SLC35F1: variants seen among roughly 807,000 people sequenced by gnomAD.
The protein encoded by SLC35F1 is chromosome 6 open reading frame 169.
SLC35F1 carries 14 observed loss-of-function variants against 48.7 expected under a neutral mutation model. That is an observed-to-expected ratio of 0.29 (90% CI 0.19 to 0.45). The LOEUF is 0.45. Among genes scored for constraint, SLC35F1 ranks in the 20% least tolerant of loss-of-function variants. SLC35F1 has a pLI of 1.00. For synonymous variants in SLC35F1, 190 were observed against 202.2 expected, an observed-to-expected ratio of 0.94 and a Z score of 0.51; for missense variants, 404 against 500.0, an observed-to-expected ratio of 0.81 and a Z score of 1.83.
At chr6:118,185,246 G>A (rs1774639684) in intron 2 of SLC35F1, among the ~76,000 whole-genome samples, 2 of 151,972 alleles carry the variant, frequency 1.3e-5, no homozygotes, top group South Asian at 4.2e-4. Context: ...TTTTTCCCTT[G>A]GTTATCCAGA....
At chr6:118,232,901 G>A (rs901065197) in intron 2 of SLC35F1, among the ~76,000 whole-genome samples, 1 of 151,860 alleles carries the variant, frequency 6.6e-6, no homozygotes, top group Non-Finnish European at 1.5e-5. Context: ...CAATGCACAG[G>A]CCCCCACCCA....
chr6:118,147,866 T>A (rs1001867641), intron 1 of SLC35F1, among the ~76,000 whole-genome samples: 1 of 152,176 alleles, frequency 6.6e-6, no homozygotes, highest in Non-Finnish European at 1.5e-5. Context: ...CAGATTCAAG[T>A]CCATGAATGC....
At chr6:118,104,870 C>T (rs1217509770) in intron 1 of SLC35F1, among the ~76,000 whole-genome samples, 1 of 152,188 alleles carries the variant, frequency 6.6e-6, no homozygotes, top group Non-Finnish European at 1.5e-5. Flanking sequence ...CAGGTGTCTA[C>T]TGTGACCATG....
chr6:118,098,167 T>A (rs745824774), intron 1 of SLC35F1, among the ~76,000 whole-genome samples: 1 of 152,222 alleles, frequency 6.6e-6, no homozygotes, highest in Non-Finnish European at 1.5e-5. Context: ...TATAGGTGTT[T>A]GCAAAACACT....
intron 1 of SLC35F1, among the ~76,000 whole-genome samples, chr6:117,939,008 CTT>C (rs576443846): frequency 1.5e-5 from 2 of 132,092 alleles, no homozygotes; most frequent in Admixed American, 8.0e-5. Context: ...AATTCTTGTT[CTT>C]TTTTTTTTTT....
At chr6:118,279,505 G>A (rs1463659840) in intron 6 of SLC35F1, among the ~76,000 whole-genome samples, 2 of 152,172 alleles carry the variant, frequency 1.3e-5, no homozygotes, top group Non-Finnish European at 2.9e-5. Flanking sequence ...ATGAATGAAT[G>A]GCAAGCAACA....
At chr6:118,100,792 T>G (rs1007737907) in intron 1 of SLC35F1, among the ~76,000 whole-genome samples, 5 of 152,186 alleles carry the variant, frequency 3.3e-5, no homozygotes, top group African/African-American at 4.8e-5. Flanking sequence ...TATTCCCTGA[T>G]GGCAGGGCCT....
chr6:118,155,632 G>T (rs1264109307), intron 2 of SLC35F1, among the ~76,000 whole-genome samples: 5 of 152,066 alleles, frequency 3.3e-5, no homozygotes, highest in African/African-American at 9.7e-5. Context: ...CAGGTATTAT[G>T]GAATATGTTA....
chr6:117,992,780 T>C (rs1029775787), intron 1 of SLC35F1, among the ~76,000 whole-genome samples: 1 of 152,370 alleles, frequency 6.6e-6, no homozygotes, highest in East Asian at 1.9e-4. Flanking sequence ...TTCAATTCCT[T>C]ATTTTGAAAT....
intron 1 of SLC35F1, among the ~76,000 whole-genome samples, chr6:118,014,714 A>G (rs1777296192): frequency 6.6e-6 from 1 of 152,150 alleles, no homozygotes; most frequent in African/African-American, 2.4e-5. Context: ...AGATTCAGAG[A>G]CACCAAATTT....
intron 1 of SLC35F1, among the ~76,000 whole-genome samples, chr6:118,080,859 G>A (rs769236874): frequency 6.6e-6 from 1 of 152,118 alleles, no homozygotes; most frequent in Non-Finnish European, 1.5e-5. Flanking sequence ...TTAACAGTCG[G>A]TGTAAAGAGA....
At chr6:118,262,169 G>C (rs544402362) in intron 3 of SLC35F1, among the ~76,000 whole-genome samples, 16 of 152,258 alleles carry the variant, frequency 1.1e-4, no homozygotes, top group East Asian at 1.9e-4. Context: ...CGCGCATCAT[G>C]ATGAGCACAC....
Position 117,998,979 on chromosome 6 carries a change from C to G in SLC35F1, c.173+91080C>G, listed in dbSNP as rs1470669275. On this transcript the variant is annotated intron_variant, in intron 1 of 7. Coordinates refer to ENST00000360388, the MANE Select transcript of SLC35F1 (RefSeq NM_001029858.4). Reference sequence around the variant, plus strand: ...GCCGCGGCTTATGGTGCAGACATGGCCAAGTCCAAGAACCACACCACACAC... The same window carrying G: ...GCCGCGGCTTATGGTGCAGACATGGGCAAGTCCAAGAACCACACCACACAC... The G allele has an allele frequency of 2.8e-5, 32 of 1,149,038 alleles. No individual in the cohort carries two copies. The South Asian group carries it at 2.8e-4, about 10-fold the overall frequency. The allele number at this position is 1,149,038 out of a possible 1,614,324, so 71.2% of individuals were successfully genotyped here. A position where few individuals can be genotyped will look rare whatever the true frequency, so the allele number is the denominator to read the frequency against.
intron 2 of SLC35F1, among the ~76,000 whole-genome samples, chr6:118,221,775 C>G (rs766068393): frequency 2.0e-5 from 3 of 152,156 alleles, no homozygotes; most frequent in African/African-American, 4.8e-5. Flanking sequence ...CACCATTTCT[C>G]CCTTCCTGTA....
chr6:117,969,921 A>G (rs1234245979), intron 1 of SLC35F1, among the ~76,000 whole-genome samples: 1 of 152,226 alleles, frequency 6.6e-6, no homozygotes, highest in Non-Finnish European at 1.5e-5. Context: ...TTTGATACAT[A>G]TTGCCAAGTT....
intron 2 of SLC35F1, among the ~76,000 whole-genome samples, chr6:118,205,025 A>C (rs6913175): frequency 9.7e-4 from 148 of 152,294 alleles, no homozygotes; most frequent in African/African-American, 3.5e-3. Flanking sequence ...TTTCACCTCT[A>C]CTTCTTTTGT....
chr6:118,216,778 A>T (rs1465104100), intron 2 of SLC35F1, among the ~76,000 whole-genome samples: 1 of 152,206 alleles, frequency 6.6e-6, no homozygotes, highest in Non-Finnish European at 1.5e-5. Flanking sequence ...CAAAAGTATC[A>T]CATTTTACGC....
chr6:118,140,596 A>G (rs55711651), intron 1 of SLC35F1, among the ~76,000 whole-genome samples: 25,191 of 150,094 alleles, frequency 0.17, 2,190 homozygotes, highest in Admixed American at 0.21. Flanking sequence ...TGTATTCCTT[A>G]TATTTTTTTT....
chr6:118,090,836 G>C (rs915275771), intron 1 of SLC35F1, among the ~76,000 whole-genome samples: 1 of 152,100 alleles, frequency 6.6e-6, no homozygotes, highest in Non-Finnish European at 1.5e-5. Context: ...AATGGACAAT[G>C]GGGGGGCATA....
Sources: allele counts gnomAD v4.1 joint callset (sites outside exome capture counted in the v4.1 genomes callset), GRCh38; gene constraint gnomAD v4.1.1; transcripts MANE v1.5; gene names NCBI Gene and HGNC (gene_info 2026-07-23, HGNC 2026-07-21).